Variants in ANK2 observed in about 807,000 individuals in gnomAD.
ANK2 encodes the protein ankyrin-2.
ANK2 carries 83 observed loss-of-function variants against 360.5 expected under a neutral mutation model. The observed-to-expected ratio is 0.23, with a 90% CI of 0.19 to 0.28. The LOEUF is 0.28. Among genes scored for constraint, ANK2 ranks in the 10% least tolerant of loss-of-function variants. The pLI is 1.00. For synonymous variants in ANK2, 1,740 were observed against 1,759.5 expected (o/e 0.99, Z 0.28); for missense variants, 4,201 against 4,795.7 (o/e 0.88, Z 3.66).
At chr4:113,344,500 T>C (rs1365109011) in intron 34 of ANK2, among the ~76,000 whole-genome samples, 1 of 152,138 alleles carries the variant, frequency 6.6e-6, no homozygotes, top group Non-Finnish European at 1.5e-5. Context: ...CCTCAAAAAG[T>C]TAAACATAAA....
chr4:113,074,624 C>T (rs998787154), intron 1 of ANK2, among the ~76,000 whole-genome samples: 2 of 152,040 alleles, frequency 1.3e-5, no homozygotes, highest in Non-Finnish European at 2.9e-5. Flanking sequence ...CAGAAAAAAA[C>T]TCCATGAAGG....
chr4:113,025,950 A>G (rs912336569), intron 2 of ANK2, among the ~76,000 whole-genome samples: 2 of 152,166 alleles, frequency 1.3e-5, no homozygotes, highest in Non-Finnish European at 2.9e-5. Flanking sequence ...TTAATTTTCT[A>G]GTTTATAAAA....
intron 45 of ANK2, chr4:113,374,647 C>G (rs2096860458): frequency 4.9e-6 from 3 of 607,096 alleles, no homozygotes; most frequent in South Asian, 1.3e-4. Context: ...TTGCTGTTTT[C>G]TGGAAAGCCA....
chr4:112,988,243 C>T (rs556120496), intron 2 of ANK2, among the ~76,000 whole-genome samples: 1 of 152,316 alleles, frequency 6.6e-6, no homozygotes, highest in Admixed American at 6.5e-5. Context: ...AAACAGAAAA[C>T]CCCTTGCTCT....
At chr4:113,317,903 C>T in intron 25 of ANK2, 94 bp downstream of exon 25, 1 of 1,018,046 alleles carries the variant, frequency 9.8e-7, no homozygotes, top group East Asian at 2.6e-5. Context: ...TTTAATCCCC[C>T]CAAAATCATT....
chr4:113,060,439 G>C (rs935626405), intron 1 of ANK2, among the ~76,000 whole-genome samples: 2 of 151,968 alleles, frequency 1.3e-5, no homozygotes, highest in Non-Finnish European at 2.9e-5. Flanking sequence ...TGACACTGAT[G>C]TCCAGATGGG....
At chr4:113,332,167 A>C (rs1011465101) in intron 28 of ANK2, 97 bp downstream of exon 28, 2 of 1,090,388 alleles carry the variant, frequency 1.8e-6, no homozygotes, top group Non-Finnish European at 1.4e-6. Context: ...TGCCCATGAC[A>C]TGTCCCTTTC....
chr4:112,834,528 C>G (rs942195518), intron 1 of ANK2, among the ~76,000 whole-genome samples: 2 of 151,926 alleles, frequency 1.3e-5, no homozygotes, highest in Non-Finnish European at 2.9e-5. Flanking sequence ...TAGCTCTCCC[C>G]CTTTTTTGGA....
intron 9 of ANK2, among the ~76,000 whole-genome samples, chr4:113,243,650 G>A (rs1038901083): frequency 6.6e-6 from 1 of 152,138 alleles, no homozygotes. Flanking sequence ...CATACTGTGA[G>A]TATACAGAAT....
intron 45 of ANK2, among the ~76,000 whole-genome samples, chr4:113,378,974 T>A (rs959035339): frequency 5.9e-5 from 9 of 152,132 alleles, no homozygotes; most frequent in Non-Finnish European, 1.3e-4. Context: ...TCTCACTTCA[T>A]TGAAAAGGGA....
At chr4:112,750,734 CT>C in the ANK2 span, among the ~76,000 whole-genome samples, 80 of 145,836 alleles carry the variant, frequency 5.5e-4, no homozygotes, top group Admixed American at 6.9e-4. Context: ...TTCCTTTTTT[CT>C]TTTTTTTTTT....
chr4:113,275,237 C>T (rs29333), intron 15 of ANK2, among the ~76,000 whole-genome samples: 53,945 of 152,066 alleles, frequency 0.35, 10,876 homozygotes, highest in Non-Finnish European at 0.46. Context: ...TTATTGACAT[C>T]GAGCAAAGAA....
chr4:112,854,837 C>CAG (rs1177887568), intron 1 of ANK2, among the ~76,000 whole-genome samples: 4 of 152,088 alleles, frequency 2.6e-5, no homozygotes, highest in Admixed American at 1.3e-4. Flanking sequence ...AACACTGTTC[C>CAG]AGAGAGAGAG....
intron 21 of ANK2, 87 bp from the exon 22 acceptor site, chr4:113,293,352 GC>G: frequency 8.8e-7 from 1 of 1,132,822 alleles, no homozygotes; most frequent in South Asian, 1.3e-5. Context: ...GGAAATGCTG[GC>G]TGATGCAGAG....
intron 1 of ANK2, among the ~76,000 whole-genome samples, chr4:112,871,146 T>C (rs539724703): frequency 1.3e-5 from 2 of 152,280 alleles, no homozygotes; most frequent in African/African-American, 4.8e-5. Context: ...ATTTGTATAT[T>C]GATCTTATAT....
intron 5 of ANK2, among the ~76,000 whole-genome samples, chr4:113,234,658 G>A (rs1259724220): frequency 6.6e-6 from 1 of 152,124 alleles, no homozygotes; most frequent in African/African-American, 2.4e-5. Context: ...GCCTAAAGAA[G>A]GGACTTGCCC....
intron 4 of ANK2, chr4:113,214,119 C>G: frequency 1.3e-6 from 1 of 756,708 alleles, no homozygotes; most frequent in Non-Finnish European, 2.2e-6. Flanking sequence ...TCGGTCCTTG[C>G]GGGCTTCACG....
At chr4:113,278,627 C>T in intron 17 of ANK2, 69 bp downstream of exon 17, 1 of 1,455,076 alleles carries the variant, frequency 6.9e-7, no homozygotes, top group Non-Finnish European at 9.6e-7. Flanking sequence ...TGAGAATTGT[C>T]TTTTAAACAC....
chr4:112,760,188 C>CTTT, the ANK2 span, among the ~76,000 whole-genome samples: 1 of 123,450 alleles, frequency 8.1e-6, no homozygotes, highest in East Asian at 2.5e-4. Flanking sequence ...ATTCCATATT[C>CTTT]TTTTTTTTTT....
Sources: allele counts gnomAD v4.1 joint callset (sites outside exome capture counted in the v4.1 genomes callset), GRCh38; gene constraint gnomAD v4.1.1; transcripts MANE v1.5; gene names NCBI Gene and HGNC (gene_info 2026-07-23, HGNC 2026-07-21).